Variants in LIPA observed in about 807,000 individuals in gnomAD.
The protein encoded by LIPA is lipase A, lysosomal acid type.
LIPA carries 26 observed loss-of-function variants against 40.6 expected under a neutral mutation model. The ratio of observed to expected loss-of-function variants is 0.64; its 90% confidence interval spans 0.47 to 0.89. The LOEUF (loss-of-function observed/expected upper bound fraction) is 0.89. Among genes scored for constraint, LIPA ranks in the 40% least tolerant of loss-of-function variants. LIPA has a pLI of 0.00. For synonymous variants in LIPA, 188 were observed against 168.4 expected, an observed-to-expected ratio of 1.12 and a Z score of -0.90; for missense variants, 455 against 479.6, an observed-to-expected ratio of 0.95 and a Z score of 0.48.
At chr10:89,226,326 A>G (rs1240238860) in intron 5 of LIPA, among the ~76,000 whole-genome samples, 1 of 152,224 alleles carries the variant, frequency 6.6e-6, no homozygotes, top group African/African-American at 2.4e-5. Context: ...TAAACATTAA[A>G]AGGGAGAATT....
At chr10:89,231,773 T>A (rs1339744044) in intron 3 of LIPA, among the ~76,000 whole-genome samples, 1 of 152,226 alleles carries the variant, frequency 6.6e-6, no homozygotes, top group African/African-American at 2.4e-5. Context: ...ACATCATGTA[T>A]GGCTGGTGTG....
intron 1 of LIPA, among the ~76,000 whole-genome samples, chr10:89,298,570 T>C: frequency 6.6e-6 from 1 of 152,224 alleles, no homozygotes; most frequent in East Asian, 1.9e-4. Flanking sequence ...GACTATTATA[T>C]TAGATGCTCA....
chr10:89,267,747 C>A (rs1843245383), intron 1 of LIPA, among the ~76,000 whole-genome samples: 1 of 137,056 alleles, frequency 7.3e-6, no homozygotes, highest in Non-Finnish European at 1.6e-5. Flanking sequence ...AAAAAAGAAA[C>A]TTAAAAAAAA....
intron 2 of LIPA, among the ~76,000 whole-genome samples, chr10:89,355,830 A>G (rs757602139): frequency 3.3e-5 from 5 of 152,224 alleles, no homozygotes; most frequent in Non-Finnish European, 7.3e-5. Flanking sequence ...CACTCCCATC[A>G]GCGCCATGGC....
intron 1 of LIPA, among the ~76,000 whole-genome samples, chr10:89,301,400 T>C (rs1843444429): frequency 6.6e-6 from 1 of 152,188 alleles, no homozygotes; most frequent in Non-Finnish European, 1.5e-5. Context: ...GTGGATCATA[T>C]TGGTATAAGG....
intron 1 of LIPA, among the ~76,000 whole-genome samples, chr10:89,258,149 A>C (rs949921760): frequency 2.0e-5 from 3 of 152,248 alleles, no homozygotes; most frequent in Admixed American, 6.5e-5. Context: ...GTAGACCCCC[A>C]ATTGATTTTT....
intron 2 of LIPA, among the ~76,000 whole-genome samples, chr10:89,247,236 G>C (rs1843036315): frequency 6.6e-6 from 1 of 151,802 alleles, no homozygotes; most frequent in Non-Finnish European, 1.5e-5. Flanking sequence ...GCCAGGCATG[G>C]TGGTGCATGC....
rs766062562 is a variant in LIPA at position 89,214,865 on chromosome 10, T to C, written c.1163A>G (p.Tyr388Cys). 4 of 1,612,096 alleles carry C rather than the reference T, an allele frequency of 2.5e-6. No homozygotes were observed. The highest frequency in any genetic ancestry group is 1.1e-5 in the South Asian group (1 of 91,012). Reference protein sequence around the residue: ...IWGLDAPWRLYNKIINLMRKY... With the variant: ...IWGLDAPWRLCNKIINLMRKY... The stretch of plus-strand genomic sequence containing the variant: ...CCTCATTAGATTAATAATTTTATTA[T>C]AAAGCCTCCAAGGGGCATCCAGGCC... The change falls in exon 10 of 10, where the codon TAT becomes TGT. Residue 388 changes from tyrosine (Y) to cysteine (C), a missense_variant. By Grantham distance (194) the Tyr-to-Cys change is radical (BLOSUM62 -2). Transcript: ENST00000336233.
chr10:89,358,699 A>G (rs1327826223), intron 2 of LIPA, among the ~76,000 whole-genome samples: 1 of 152,190 alleles, frequency 6.6e-6, no homozygotes, highest in Non-Finnish European at 1.5e-5. Flanking sequence ...CACATTCTCA[A>G]TCATATGCGG....
At chr10:89,402,637 T>G in intron 2 of LIPA, 1 of 1,614,182 alleles carries the variant, frequency 6.2e-7, no homozygotes, top group South Asian at 1.1e-5. Context: ...CTGGACAAGG[T>G]GGAGAACATT....
chr10:89,272,092 A>AT (rs372125951), intron 1 of LIPA, among the ~76,000 whole-genome samples: 247 of 152,246 alleles, frequency 1.6e-3, no homozygotes, highest in African/African-American at 5.7e-3. Flanking sequence ...ATTTAAAAAA[A>AT]ACTTTTGTTT....
In LIPA at chr10:89,384,622, G is replaced by A. The variant is rs759689718; in HGVS notation, c.61+28169C>T. On this transcript the variant is annotated intron_variant, in intron 2 of 8. Transcript: ENST00000371837. The stretch of plus-strand genomic sequence containing the variant: ...ATGTATTCACCAGAATGTACGGGTT[G>A]TGGAAAGTGTCAGCCTCCTTGGGCT... 20 of 1,614,106 alleles carry A rather than the reference G, an allele frequency of 1.2e-5. No individual in the cohort carries two copies. The highest frequency in any genetic ancestry group is 1.6e-4 in the Middle Eastern group (1 of 6,084).
chr10:89,412,344 C>T (rs1182252464), intron 2 of LIPA, among the ~76,000 whole-genome samples: 2 of 152,082 alleles, frequency 1.3e-5, no homozygotes, highest in Non-Finnish European at 2.9e-5. Flanking sequence ...CCAATCAGCA[C>T]TCTGTCAAAA....
At chr10:89,330,113 G>A (rs1045207249) in intron 1 of LIPA, among the ~76,000 whole-genome samples, 3 of 152,294 alleles carry the variant, frequency 2.0e-5, no homozygotes, top group Middle Eastern at 3.4e-3. Flanking sequence ...GCAGGAACTG[G>A]CCATCTGGAT....
At chr10:89,228,671 T>C (rs1842802490) in intron 3 of LIPA, among the ~76,000 whole-genome samples, 1 of 152,242 alleles carries the variant, frequency 6.6e-6, no homozygotes, top group South Asian at 2.1e-4. Context: ...CAATATATTT[T>C]TAAGAAATTA....
At chr10:89,258,538 C>G (rs1293690809) in intron 1 of LIPA, among the ~76,000 whole-genome samples, 1 of 152,058 alleles carries the variant, frequency 6.6e-6, no homozygotes, top group African/African-American at 2.4e-5. Context: ...ATAAAAAATA[C>G]AGGTAATAAC....
In LIPA at chr10:89,277,022, C is replaced by A. The variant is rs374845974; in HGVS notation, c.-1-29373G>T. Among the ~76,000 whole-genome samples the A allele has an allele frequency of 4.6e-5, 7 of 152,142 alleles. No individual in the cohort carries two copies. In the East Asian group the frequency reaches 5.8e-4, roughly 13 times the overall value. ...CCCCAGAGCTCATCAGTTGGCTTCA[C>A]TAAATGTTTATTGAATATATACCTA... On this transcript the variant is annotated intron_variant, in intron 1 of 5. Transcript: ENST00000282673.
At chr10:89,243,313 C>G (rs887981098) in intron 3 of LIPA, among the ~76,000 whole-genome samples, 1 of 152,140 alleles carries the variant, frequency 6.6e-6, no homozygotes, top group African/African-American at 2.4e-5. Flanking sequence ...ATCACAATTC[C>G]TTTAGAGAAC....
Position 89,230,763 on chromosome 10 carries a change from G to A in LIPA, c.230-2365C>T, listed in dbSNP as rs551057686. On this transcript the variant is annotated intron_variant, in intron 3 of 9. Transcript: ENST00000336233. ...TTTTATAGGACACAGTGAGATATGA[G>A]ATATTATATGAAAAGTAGGTAGCAA... Among the ~76,000 whole-genome samples, 42 of 152,272 alleles carry A rather than the reference G, an allele frequency of 2.8e-4. 1 individual carries two copies. Among genetic ancestry groups the A allele is most frequent in the Admixed American group, 2.2e-3 (34 of 15,298 alleles).
Sources: gnomAD v4.1 joint callset for allele counts (sites outside exome capture counted in the v4.1 genomes callset) on GRCh38, gnomAD v4.1.1 for gene constraint, MANE v1.5 for transcripts, NCBI Gene and HGNC (gene_info 2026-07-23, HGNC 2026-07-21) for gene names.